Variants in GPRC6A observed in about 807,000 individuals in gnomAD.
GPRC6A encodes G protein-coupled receptor family C group 6 member A.
GPRC6A carries 54 observed loss-of-function variants against 47.0 expected under a neutral mutation model. That is an observed-to-expected ratio of 1.15 (90% CI 0.92 to 1.44). The LOEUF (loss-of-function observed/expected upper bound fraction) is 1.44. Among genes scored for constraint, GPRC6A ranks in the 40% most tolerant of loss-of-function variants. GPRC6A has a pLI of 0.00. For synonymous variants in GPRC6A, 347 were observed against 377.1 expected (o/e 0.92, Z 0.93); for missense variants, 1,112 against 1,105.5 (o/e 1.01, Z -0.08).
At position 116,792,520 on chromosome 6, in the gene GPRC6A, G is replaced by C. The variant is rs759181148; in HGVS notation, c.2403C>G (p.Ile801Met). 6.2e-7 allele frequency: 1 copy of C among 1,613,766 alleles called. No homozygotes were observed. The highest frequency in any genetic ancestry group is 2.2e-5 in the East Asian group (1 of 44,886). The change falls in exon 6 of 6, where the codon ATC becomes ATG. Residue 801 changes from isoleucine (I) to methionine (M), a missense_variant. Ile to Met is a conservative substitution (Grantham distance 10). Transcript: ENST00000310357. Reference protein sequence around the residue: ...YFIAWITFIPIYATTFGKYVP... With the variant: ...YFIAWITFIPMYATTFGKYVP... Reference sequence around the variant, plus strand: ...CATATTTGCCAAATGTGGTAGCATAGATAGGGATGAATGTGATCCAAGCTA... The same window carrying C: ...CATATTTGCCAAATGTGGTAGCATACATAGGGATGAATGTGATCCAAGCTA...
At chr6:116,812,024 C>G (rs1773041258) in intron 1 of GPRC6A, among the ~76,000 whole-genome samples, 1 of 152,072 alleles carries the variant, frequency 6.6e-6, no homozygotes, top group Non-Finnish European at 1.5e-5. Flanking sequence ...ACAGGAGGCC[C>G]AGCAATCCCT....
intron 3 of GPRC6A, among the ~76,000 whole-genome samples, chr6:116,804,235 A>G (rs565808088): frequency 1.8e-4 from 27 of 152,206 alleles, no homozygotes; most frequent in East Asian, 1.5e-3. Flanking sequence ...CTGAAGTAAA[A>G]CAAGCACGAC....
intron 5 of GPRC6A, among the ~76,000 whole-genome samples, chr6:116,793,836 G>C (rs539821909): frequency 3.9e-5 from 6 of 152,172 alleles, no homozygotes; most frequent in Non-Finnish European, 8.8e-5. Context: ...AAGGGTGCAG[G>C]TCTTTCAAAA....
At chr6:116,799,991 G>A (rs951176864) in intron 4 of GPRC6A, among the ~76,000 whole-genome samples, 2 of 152,126 alleles carry the variant, frequency 1.3e-5, no homozygotes, top group Non-Finnish European at 2.9e-5. Context: ...TGTTAGAACA[G>A]AAAATAGAGT....
At chr6:116,803,205 C>T (rs1028905441) in intron 3 of GPRC6A, among the ~76,000 whole-genome samples, 1 of 152,038 alleles carries the variant, frequency 6.6e-6, no homozygotes, top group Admixed American at 6.6e-5. Context: ...AAATATTCTT[C>T]ATCCTCCCTC....
intron 5 of GPRC6A, among the ~76,000 whole-genome samples, chr6:116,795,292 T>G (rs779738305): frequency 6.6e-6 from 1 of 152,192 alleles, no homozygotes; most frequent in Non-Finnish European, 1.5e-5. Context: ...ACCTGTTTCT[T>G]AACTCCGGGT....
intron 1 of GPRC6A, among the ~76,000 whole-genome samples, chr6:116,821,189 A>C (rs1344579775): frequency 2.0e-5 from 3 of 151,886 alleles, no homozygotes; most frequent in Non-Finnish European, 2.9e-5. Flanking sequence ...ACTACAAACC[A>C]CTGCTCAAGG....
intron 1 of GPRC6A, among the ~76,000 whole-genome samples, chr6:116,823,387 C>T (rs1359942391): frequency 6.6e-6 from 1 of 152,080 alleles, no homozygotes; most frequent in African/African-American, 2.4e-5. Context: ...CAAAGATAAC[C>T]TTTACTCCAG....
rs144077024 is a variant in GPRC6A at position 116,823,472 on chromosome 6, C to T, written c.194+5348G>A. Among the ~76,000 whole-genome samples the T allele has an allele frequency of 2.0e-3, 304 of 152,222 alleles. 1 individual carries two copies. Among genetic ancestry groups the T allele is most frequent in the Non-Finnish European group, 3.5e-3 (237 of 68,000 alleles). On this transcript the variant is annotated intron_variant, in intron 1 of 5. Transcript: ENST00000310357. ...CATTGTCCATATATATCACCATCAT[C>T]ATTTTGGTCACAACAATTTAACAAG...
chr6:116,823,255 T>C (rs1389554076), intron 1 of GPRC6A, among the ~76,000 whole-genome samples: 2 of 152,162 alleles, frequency 1.3e-5, no homozygotes, highest in Non-Finnish European at 1.5e-5. Context: ...GGCAAATTCT[T>C]GACTGCTTTG....
In GPRC6A at chr6:116,819,238, G is replaced by C. The variant is rs564783031; in HGVS notation, c.194+9582C>G. On this transcript the variant is annotated intron_variant, in intron 1 of 5. Transcript: ENST00000310357. The stretch of plus-strand genomic sequence containing the variant: ...CCTGAGTGACCTACAAAGAGACTTA[G>C]ACTCCCACACATTAATAATGGGAGA... Among the ~76,000 whole-genome samples, 481 of 151,324 alleles carry C rather than the reference G, an allele frequency of 3.2e-3. 2 individuals carry two copies. Among genetic ancestry groups the C allele is most frequent in the African/African-American group, 0.011 (442 of 41,122 alleles).
intron 3 of GPRC6A, 83 bp downstream of exon 3, chr6:116,806,287 T>C (rs1324028816): frequency 3.9e-5 from 33 of 840,250 alleles, no homozygotes; most frequent in Non-Finnish European, 9.7e-6. Context: ...GAGCAATTAA[T>C]ATAAATCTTT....
At chr6:116,800,163 G>C (rs1320056920) in intron 4 of GPRC6A, among the ~76,000 whole-genome samples, 1 of 151,722 alleles carries the variant, frequency 6.6e-6, no homozygotes, top group Non-Finnish European at 1.5e-5. Context: ...TTTAAAATGA[G>C]ACTAGTCAGC....
chr6:116,794,992 G>A (rs1772431724), intron 5 of GPRC6A, among the ~76,000 whole-genome samples: 1 of 152,140 alleles, frequency 6.6e-6, no homozygotes, highest in Admixed American at 6.6e-5. Flanking sequence ...TCTACAAGAT[G>A]AATGGGAATG....
intron 1 of GPRC6A, among the ~76,000 whole-genome samples, chr6:116,811,973 A>G (rs1433763167): frequency 1.3e-5 from 2 of 152,330 alleles, no homozygotes; most frequent in African/African-American, 4.8e-5. Context: ...AATAATAGAT[A>G]AAAACTTTCC....
At chr6:116,814,284 A>G (rs927990648) in intron 1 of GPRC6A, among the ~76,000 whole-genome samples, 10 of 152,174 alleles carry the variant, frequency 6.6e-5, no homozygotes, top group African/African-American at 2.4e-4. Context: ...AAATCATGCT[A>G]CTATAAAGAC....
chr6:116,801,858 G>A (rs1313329038), intron 3 of GPRC6A, among the ~76,000 whole-genome samples: 1 of 151,856 alleles, frequency 6.6e-6, no homozygotes, highest in Non-Finnish European at 1.5e-5. Flanking sequence ...CTAACATGGT[G>A]GAATTCACTA....
intron 1 of GPRC6A, among the ~76,000 whole-genome samples, chr6:116,818,985 T>C (rs1223604815): frequency 6.6e-6 from 1 of 152,034 alleles, no homozygotes; most frequent in Non-Finnish European, 1.5e-5. Flanking sequence ...GAGACACACA[T>C]AGGCTCAAAA....
chr6:116,807,138 C>T lies in GPRC6A; in HGVS notation c.567G>A (p.Val189=). 1.9e-6 allele frequency: 3 copies of T among 1,613,606 alleles called. No homozygotes were observed. Among genetic ancestry groups the T allele is most frequent in the Non-Finnish European group, 2.5e-6 (3 of 1,179,708 alleles). Residue 189 remains valine (V), a synonymous_variant, in exon 3 of 6, where the codon GTG becomes GTA. Coordinates refer to ENST00000310357, the MANE Select transcript of GPRC6A (RefSeq NM_148963.4). ...KIRFPSFLRT[V]PSDFHQIKAM... is the part of the protein sequence containing the mutation. ...CTTTAATTTGATGGAAGTCACTGGGCACAGTCCGTAAAAATGAAGGAAAGC... is the reference window on the plus strand; with the variant it reads ...CTTTAATTTGATGGAAGTCACTGGGTACAGTCCGTAAAAATGAAGGAAAGC...
Sources: gnomAD v4.1 joint callset for allele counts (sites outside exome capture counted in the v4.1 genomes callset) on GRCh38, gnomAD v4.1.1 for gene constraint, MANE v1.5 for transcripts, NCBI Gene and HGNC (gene_info 2026-07-23, HGNC 2026-07-21) for gene names.